Variants in MYO18B observed in about 807,000 individuals in gnomAD.
The protein encoded by MYO18B is myosin XVIIIB, also known as unconventional myosin-XVIIIb.
Under a neutral mutation model 273.0 loss-of-function variants are expected in MYO18B, and 204 were observed. That is an observed-to-expected ratio of 0.75 (90% confidence interval 0.67 to 0.84). The LOEUF (loss-of-function observed/expected upper bound fraction) is 0.84, where lower values mean the gene tolerates loss of function less well. Among genes scored for constraint, MYO18B ranks in the 40% least tolerant of loss-of-function variants. MYO18B has a pLI of 0.00. For missense variants in MYO18B, 3,212 were observed against 3,287.6 expected (o/e 0.98, Z 0.56); for synonymous variants, 1,330 against 1,305.7 (o/e 1.02, Z -0.40).
intron 24 of MYO18B, 142 bp downstream of exon 24, chr22:25,876,474 A>G: frequency 1.1e-6 from 1 of 884,512 alleles, no homozygotes; most frequent in Non-Finnish European, 1.6e-6. Flanking sequence ...TGCCCCTTCC[A>G]GATGTTCCTC....
rs1325803453 is a variant in MYO18B, at chr22:25,947,798, G to A, written c.5718G>A (p.Leu1906=). 1.2e-6 allele frequency: 2 copies of A among 1,613,942 alleles called. No homozygotes were observed. Among genetic ancestry groups the A allele is most frequent in the Admixed American group, 1.7e-5 (1 of 60,024 alleles). The change falls in exon 36 of 44, where the codon CTG becomes CTA. Residue 1906 remains leucine, a synonymous_variant. Transcript: ENST00000335473. The stretch of plus-strand genomic sequence containing the variant: ...AGGACCAGGATGACCTGAATGAGCT[G>A]ATGCAGAAGCACAAGGACCTCATTG... ...IDEDQDDLNE[L]MQKHKDLIAQ...
chr22:25,888,253 A>G (rs1431801780), intron 25 of MYO18B, among the ~76,000 whole-genome samples: 2 of 152,068 alleles, frequency 1.3e-5, no homozygotes, highest in East Asian at 3.9e-4. Context: ...TGAGAGTCCT[A>G]TAATTTGCAT....
At chr22:26,006,174 T>A (rs1934399229) in intron 42 of MYO18B, among the ~76,000 whole-genome samples, 1 of 152,154 alleles carries the variant, frequency 6.6e-6, no homozygotes, top group Non-Finnish European at 1.5e-5. Flanking sequence ...TAATTCTAAT[T>A]ATATTAGGGT....
At chr22:26,004,946 G>A in intron 42 of MYO18B, 91 bp downstream of exon 42, 1 of 1,519,972 alleles carries the variant, frequency 6.6e-7, no homozygotes, top group Non-Finnish European at 8.9e-7. Context: ...CATTGTCTCT[G>A]GCATAGGCAA....
intron 36 of MYO18B, among the ~76,000 whole-genome samples, chr22:25,948,345 C>A (rs898093387): frequency 6.6e-6 from 1 of 152,124 alleles, no homozygotes; most frequent in Admixed American, 6.6e-5. Context: ...ATCCTACCAC[C>A]GCTTACCCAT....
At position 26,017,221 on chromosome 22, in the gene MYO18B, A is replaced by ACAAAAGAGG. The variant is rs200206659; in HGVS notation, c.6471-9223_6471-9215dup. Among the ~76,000 whole-genome samples, 474 of 150,794 alleles carry ACAAAAGAGG rather than the reference A, an allele frequency of 3.1e-3. 1 individual carries two copies. Among genetic ancestry groups the ACAAAAGAGG allele is most frequent in the African/African-American group, 0.011 (443 of 40,892 alleles). On this transcript the variant is annotated intron_variant, in intron 42 of 43. Transcript: ENST00000335473. ...CTTCCTTCTTTTTTTAAATTTGTTA[A>ACAAAAGAGG]CAAAAGAGGACACTATCAACTCGTA...
At chr22:25,769,484 G>T in intron 4 of MYO18B, 56 bp downstream of exon 4, 2 of 1,412,026 alleles carry the variant, frequency 1.4e-6, no homozygotes, top group Non-Finnish European at 1.9e-6. Context: ...CTCCAGAGAT[G>T]CAGGGATGGG....
intron 25 of MYO18B, among the ~76,000 whole-genome samples, chr22:25,885,270 A>G (rs1445544168): frequency 6.6e-6 from 1 of 152,186 alleles, no homozygotes; most frequent in East Asian, 1.9e-4. Context: ...AAGCCCAGAG[A>G]GCTGAAGTGA....
chr22:25,791,907 C>G (rs561832254), intron 11 of MYO18B, among the ~76,000 whole-genome samples: 8 of 152,310 alleles, frequency 5.3e-5, no homozygotes, highest in African/African-American at 1.9e-4. Context: ...GGTGAAGCTA[C>G]TTGCCCAAAG....
rs758482232 is a variant in MYO18B at position 25,843,934 on chromosome 22, G to A, written c.3368+40G>A. The A allele has an allele frequency of 3.2e-6, 5 of 1,575,992 alleles. No individual in the cohort carries two copies. The East Asian group carries it at 9.1e-5, about 29-fold the overall frequency. On this transcript the variant is annotated intron_variant, in intron 18 of 43. Transcript: ENST00000335473. ...GGTTGGGGACGGGGATGGAGCATTG[G>A]AGGCACTGTGTTTTCCTTCCCACCT...
chr22:25,992,878 TG>T (rs1431689305), intron 40 of MYO18B, among the ~76,000 whole-genome samples: 11 of 152,226 alleles, frequency 7.2e-5, no homozygotes, highest in African/African-American at 2.7e-4. Context: ...ACCTACAGAC[TG>T]GAAGTTTCAT....
At chr22:25,997,978 C>CACACACACACACGAGAGAGAGAGAGAGA (rs34431605) in intron 40 of MYO18B, among the ~76,000 whole-genome samples, 14 of 144,538 alleles carry the variant, frequency 9.7e-5, no homozygotes, top group Non-Finnish European at 7.5e-5. Context: ...CACACACACA[C>CACACACACACACGAGAGAGAGAGAGAGA]GAGAGAGAGA....
intron 11 of MYO18B, among the ~76,000 whole-genome samples, chr22:25,792,548 G>A (rs1391579992): frequency 7.7e-6 from 1 of 130,298 alleles, no homozygotes; most frequent in Non-Finnish European, 1.6e-5. Flanking sequence ...AGGCTGGAGT[G>A]CAATGGCGCG....
intron 4 of MYO18B, among the ~76,000 whole-genome samples, chr22:25,769,749 C>T (rs551622827): frequency 3.0e-4 from 45 of 152,208 alleles, no homozygotes; most frequent in African/African-American, 9.9e-4. Context: ...AGCTTTCAAA[C>T]GGGATGGCAT....
chr22:25,847,325 C>T, intron 19 of MYO18B, 105 bp from the exon 20 acceptor site: 2 of 1,028,036 alleles, frequency 1.9e-6, no homozygotes, highest in South Asian at 1.6e-5. Flanking sequence ...ACATAGGGGC[C>T]CCAAAGATGC....
chr22:25,971,969 A>G (rs940693874), intron 39 of MYO18B, among the ~76,000 whole-genome samples: 2 of 152,046 alleles, frequency 1.3e-5, no homozygotes, highest in East Asian at 3.9e-4. Flanking sequence ...TTTTTTTAGT[A>G]GAGACGGGGT....
rs73879583 is a variant in MYO18B at position 25,891,219 on chromosome 22, G to A, written c.4435-85G>A. 4.5e-3 allele frequency: 4,753 copies of A among 1,046,706 alleles called. 158 individuals carry two copies. The African/African-American group carries it at 0.067, about 15-fold the overall frequency. 64.8% of individuals were successfully genotyped at this position (1,046,706 alleles called of 1,614,324 possible). A position where few individuals can be genotyped will look rare whatever the true frequency, so the allele number is the denominator to read the frequency against. On this transcript the variant is annotated intron_variant, in intron 26 of 43. Transcript: ENST00000335473. ...GGGCTGTGCAGAGGGTGGCCAATCC[G>A]AGCCTTGGAAGCACTTCATGGGTAA...
chr22:26,051,173 G>C, the MYO18B span, among the ~76,000 whole-genome samples: 3 of 150,894 alleles, frequency 2.0e-5, no homozygotes, highest in East Asian at 5.8e-4. Flanking sequence ...AGGTATTTTA[G>C]GTACATAGTG....
At chr22:25,877,433 C>T (rs1435691960) in intron 24 of MYO18B, 4 of 152,190 alleles carry the variant, frequency 2.6e-5, no homozygotes, top group Non-Finnish European at 5.9e-5. Flanking sequence ...TCCATCACTT[C>T]ATTTATCATT....
Sources: allele counts gnomAD v4.1 joint callset (sites outside exome capture counted in the v4.1 genomes callset), GRCh38; gene constraint gnomAD v4.1.1; transcripts MANE v1.5; gene names NCBI Gene and HGNC (gene_info 2026-07-23, HGNC 2026-07-21).